DGKG: variants seen among roughly 807,000 people sequenced by gnomAD.
DGKG encodes DAG kinase gamma.
In DGKG, 78 loss-of-function variants were observed where a neutral mutation model predicts 105.3. That is an observed-to-expected ratio of 0.74 (90% CI 0.62 to 0.89). The LOEUF is 0.89. DGKG is among the 40% of genes least tolerant of loss of function. The pLI, the probability that DGKG is intolerant of heterozygous loss-of-function variation, is 0.00. For missense variants in DGKG, 958 were observed against 1,020.1 expected (o/e 0.94, Z 0.83); for synonymous variants, 346 against 367.1 (o/e 0.94, Z 0.66).
At chr3:186,209,755 C>T (rs1718935582) in intron 21 of DGKG, among the ~76,000 whole-genome samples, 1 of 152,028 alleles carries the variant, frequency 6.6e-6, no homozygotes, top group South Asian at 2.1e-4. Context: ...CATGCCTCGC[C>T]CTGTCCGTCT....
At chr3:186,334,684 C>G (rs909225266) in intron 1 of DGKG, among the ~76,000 whole-genome samples, 1 of 152,178 alleles carries the variant, frequency 6.6e-6, no homozygotes, top group Non-Finnish European at 1.5e-5. Flanking sequence ...CTCTTCATAA[C>G]AACTCTGTTA....
At chr3:186,259,117 C>G (rs549772011) in intron 16 of DGKG, among the ~76,000 whole-genome samples, 2 of 152,100 alleles carry the variant, frequency 1.3e-5, no homozygotes, top group African/African-American at 4.8e-5. Context: ...GACTCTCCGA[C>G]GGGAAGTGAA....
At chr3:186,344,748 G>A (rs1224869152) in intron 1 of DGKG, among the ~76,000 whole-genome samples, 1 of 152,072 alleles carries the variant, frequency 6.6e-6, no homozygotes, top group Non-Finnish European at 1.5e-5. Context: ...TAAAATAAAA[G>A]TTAAAAAATA....
At chr3:186,196,359 G>A (rs761788286) in intron 21 of DGKG, among the ~76,000 whole-genome samples, 4 of 152,020 alleles carry the variant, frequency 2.6e-5, no homozygotes, top group Non-Finnish European at 4.4e-5. Context: ...GGCTGGTCTC[G>A]AACTCCTGAC....
intron 22 of DGKG, among the ~76,000 whole-genome samples, chr3:186,168,380 G>T (rs1716657218): frequency 6.6e-6 from 1 of 152,128 alleles, no homozygotes; most frequent in Admixed American, 6.5e-5. Context: ...AGCACTCCAA[G>T]AAAAGAGGAT....
chr3:186,337,408 AAAAC>A (rs1426254901), intron 1 of DGKG, among the ~76,000 whole-genome samples: 8 of 151,806 alleles, frequency 5.3e-5, no homozygotes, highest in South Asian at 4.1e-4. Context: ...ATATAATAAA[AAAAC>A]AAACAAAAAA....
chr3:186,279,416 CT>C (rs140100041), intron 9 of DGKG: 17,980 of 153,166 alleles, frequency 0.12, 1,502 homozygotes, highest in African/African-American at 0.24. Context: ...TAAGATACCA[CT>C]AATGGAAGCC....
At chr3:186,321,532 C>T (rs1276397172) in intron 1 of DGKG, among the ~76,000 whole-genome samples, 3 of 152,154 alleles carry the variant, frequency 2.0e-5, no homozygotes, top group Non-Finnish European at 1.5e-5. Flanking sequence ...GGGAAGCCAC[C>T]AACCTAAAAA....
chr3:186,193,823 A>G (rs951049439), intron 21 of DGKG, among the ~76,000 whole-genome samples: 4 of 152,236 alleles, frequency 2.6e-5, no homozygotes, highest in African/African-American at 9.6e-5. Flanking sequence ...CGTGGCGCTA[A>G]GGAGTGTGGC....
chr3:186,212,036 GA>G (rs1465505937), intron 20 of DGKG, 151 bp from the exon 21 acceptor site: 5 of 636,962 alleles, frequency 7.8e-6, no homozygotes, highest in Non-Finnish European at 1.4e-5. Context: ...TCAAGGAATA[GA>G]AATTTTTTAC....
chr3:186,267,733 T>C lies in DGKG; in HGVS notation c.1161A>G (p.Glu387=). The change falls in exon 13 of 25, where the codon GAA becomes GAG. Residue 387 remains glutamate (E), a synonymous_variant. Transcript: ENST00000265022. The part of the protein sequence containing the change: ...CELSTLCDGG[E]LRDHILLPTS... ...TGGGCAGTAAGATGTGGTCTCTGAG[T>C]TCCCCACCGTCACACAACGTTGATA... is the stretch of plus-strand genomic sequence containing the variant. 6.2e-7 allele frequency: 1 copy of C among 1,613,982 alleles called. No homozygotes were observed. Among genetic ancestry groups the C allele is most frequent in the Non-Finnish European group, 8.5e-7 (1 of 1,179,932 alleles).
chr3:186,349,267 G>A (rs750578100), intron 1 of DGKG, among the ~76,000 whole-genome samples: 3 of 151,914 alleles, frequency 2.0e-5, no homozygotes, highest in African/African-American at 7.3e-5. Context: ...TTAATGTATT[G>A]AATAATAGCC....
chr3:186,222,640 T>C (rs1057013527), intron 20 of DGKG, among the ~76,000 whole-genome samples: 4 of 150,964 alleles, frequency 2.6e-5, no homozygotes. Flanking sequence ...GTCAGGAGTT[T>C]GAGACCAGCC....
chr3:186,233,474 T>C (rs980447649), intron 20 of DGKG, among the ~76,000 whole-genome samples: 2 of 145,828 alleles, frequency 1.4e-5, no homozygotes, highest in Non-Finnish European at 3.2e-5. Flanking sequence ...AGTGCCGTTT[T>C]TGTCGTTGTT....
chr3:186,276,691 AG>A (rs1164742555), intron 9 of DGKG, among the ~76,000 whole-genome samples: 2 of 152,220 alleles, frequency 1.3e-5, no homozygotes, highest in Non-Finnish European at 1.5e-5. Context: ...ATCCCATCCC[AG>A]GGGAACACAG....
chr3:186,225,234 A>G (rs114783584), intron 20 of DGKG, among the ~76,000 whole-genome samples: 1,564 of 152,132 alleles, frequency 0.01, 22 homozygotes, highest in African/African-American at 0.036. Context: ...CGCAAAGTGT[A>G]GGGATTACAG....
At chr3:186,344,383 C>T (rs1726230635) in intron 1 of DGKG, among the ~76,000 whole-genome samples, 1 of 129,716 alleles carries the variant, frequency 7.7e-6, no homozygotes. Flanking sequence ...GGTACATATA[C>T]ACCATGGAAT....
chr3:186,215,654 G>T (rs1026465459), intron 20 of DGKG, among the ~76,000 whole-genome samples: 1 of 152,034 alleles, frequency 6.6e-6, no homozygotes, highest in Non-Finnish European at 1.5e-5. Flanking sequence ...CATGACAATA[G>T]CATTAGAAGA....
chr3:186,208,123 C>A (rs1293459650), intron 21 of DGKG, among the ~76,000 whole-genome samples: 1 of 151,964 alleles, frequency 6.6e-6, no homozygotes, highest in African/African-American at 2.4e-5. Context: ...CCCACTGCAA[C>A]CTCTGCCTCC....
Sources: allele counts gnomAD v4.1 joint callset (sites outside exome capture counted in the v4.1 genomes callset), GRCh38; gene constraint gnomAD v4.1.1; transcripts MANE v1.5; gene names NCBI Gene and HGNC (gene_info 2026-07-23, HGNC 2026-07-21).